Variants in PIAS3 observed in about 807,000 individuals in gnomAD.
PIAS3 encodes protein inhibitor of activated STAT 3.
Under a neutral mutation model 67.6 loss-of-function variants are expected in PIAS3, and 34 were observed. The ratio of observed to expected loss-of-function variants is 0.50; its 90% CI spans 0.38 to 0.67. The LOEUF (loss-of-function observed/expected upper bound fraction) is 0.67, where lower values mean the gene tolerates loss of function less well. Among genes scored for constraint, PIAS3 ranks in the 30% least tolerant of loss-of-function variants. The pLI is 0.00. For synonymous variants in PIAS3, 341 were observed against 313.8 expected (o/e 1.09, Z -0.92); for missense variants, 693 against 791.6 (o/e 0.88, Z 1.49).
At position 145,856,593 on chromosome 1, in the gene PIAS3, G is replaced by A. The variant is rs1413510886; in HGVS notation, c.438C>T (p.Thr146=). 16 of 1,566,840 alleles carry A rather than the reference G, an allele frequency of 1.0e-5. No homozygotes were observed. The highest frequency in any genetic ancestry group is 2.7e-5 in the African/African-American group (2 of 73,456). ...EVYGELIRPT[T]LASTSSQRFE... The stretch of plus-strand genomic sequence containing the variant: ...AGGGACCACAAAGAGCCATACCAAG[G>A]GTGGTGGGCCGGATGAGCTCCCCAT... Residue 146 remains threonine, a synonymous_variant, in exon 2 of 14, where the codon ACC becomes ACT. Transcript: ENST00000393045.
chr1:145,848,602 G>C lies in PIAS3; in HGVS notation c.*844C>G. 1.4e-6 allele frequency: 1 copy of C among 728,564 alleles called. No individual in the cohort carries two copies. Among genetic ancestry groups the C allele is most frequent in the Non-Finnish European group, 2.3e-6 (1 of 439,002 alleles). The allele number at this position is 728,564 out of a possible 1,614,324, so 45.1% of individuals were successfully genotyped here. ...AAGTAAAATTACAACATAGGTCCTA[G>C]GCCTTGGCGAGCCTGAAAAAGAAGA... On this transcript the variant is annotated 3_prime_UTR_variant, in exon 14 of 14. Coordinates refer to ENST00000393045, the MANE Select transcript of PIAS3 (RefSeq NM_006099.3).
At chr1:145,854,936 C>G in intron 5 of PIAS3, 56 bp from the exon 6 acceptor site, 1 of 1,595,748 alleles carries the variant, frequency 6.3e-7, no homozygotes, top group East Asian at 2.2e-5. Context: ...GGGCTCTGCT[C>G]TTTGAACAAA....
Position 145,850,434 on chromosome 1 carries a change from C to T in PIAS3, c.1582+19G>A, listed in dbSNP as rs782214417. 1.2e-6 allele frequency: 2 copies of T among 1,614,036 alleles called. No homozygotes were observed. The highest frequency in any genetic ancestry group is 1.1e-5 in the South Asian group (1 of 91,078). ...GAGGGTGTGGCAGTGCAGGGTCCAT[C>T]TTATGACCCATGTCATACCTTGGAT... is the stretch of plus-strand genomic sequence containing the variant. On this transcript the variant is annotated intron_variant, in intron 12 of 13. Transcript: ENST00000393045.
In PIAS3 at chr1:145,850,160, G is replaced by C; in HGVS notation, c.1620+72C>G. 5.6e-6 allele frequency: 9 copies of C among 1,608,538 alleles called. No homozygotes were observed. The South Asian group carries it at 8.8e-5, about 16-fold the overall frequency. On this transcript the variant is annotated intron_variant, in intron 13 of 13. Coordinates refer to ENST00000393045, the MANE Select transcript of PIAS3 (RefSeq NM_006099.3). Reference sequence around the variant, plus strand: ...TTACATCCCCAGAGATCATAAGAGAGGGAGGGGCCCCATCAGTGTCTAGAA... The same window carrying C: ...TTACATCCCCAGAGATCATAAGAGACGGAGGGGCCCCATCAGTGTCTAGAA...
chr1:145,850,577 T>C lies in PIAS3; in HGVS notation c.1458A>G (p.Thr486=). Residue 486 remains threonine, a synonymous_variant, in exon 12 of 14, where the codon ACA becomes ACG. Coordinates refer to ENST00000393045, the MANE Select transcript of PIAS3 (RefSeq NM_006099.3). The part of the protein sequence containing the change: ...PALPGSKGVL[T]SGHQPSSVLR... ...GCACCGAGGATGGCTGGTGGCCAGA[T>C]GTCAGGACTCTGTGGGTAGAGAGGA... 1 of 1,614,138 alleles carries C rather than the reference T, an allele frequency of 6.2e-7. No individual in the cohort carries two copies. The highest frequency in any genetic ancestry group is 8.5e-7 in the Non-Finnish European group (1 of 1,179,984).
intron 5 of PIAS3, 110 bp from the exon 6 acceptor site, chr1:145,854,990 A>G (rs1653109124): frequency 7.8e-7 from 1 of 1,290,078 alleles, no homozygotes; most frequent in East Asian, 2.3e-5. Flanking sequence ...GGGAAGGCCA[A>G]CTCGCTCACT....
rs200879070 is a variant in PIAS3, at chr1:145,854,931, C to T, written c.670-51G>A. On this transcript the variant is annotated intron_variant, in intron 5 of 13. Transcript: ENST00000393045. ...GGAGAAGTGGCTCTGGGAAGGGGCT[C>T]TGCTCTTTGAACAAAAGATATCTTG... The T allele has an allele frequency of 3.1e-5, 50 of 1,602,170 alleles. No individual in the cohort carries two copies. The Admixed American group carries it at 3.4e-4, about 11-fold the overall frequency.
chr1:145,854,978 G>C, intron 5 of PIAS3, 98 bp from the exon 6 acceptor site: 1 of 1,449,776 alleles, frequency 6.9e-7, no homozygotes, highest in Non-Finnish European at 9.5e-7. Flanking sequence ...TCAATCCCTG[G>C]AGGGAAGGCC....
At position 145,850,956 on chromosome 1, in the gene PIAS3, G is replaced by T; in HGVS notation, c.1280-17C>A. 1 of 1,614,084 alleles carries T rather than the reference G, an allele frequency of 6.2e-7. No individual in the cohort carries two copies. On this transcript the variant is annotated splice_polypyrimidine_tract_variant and intron_variant, in intron 10 of 13. Coordinates refer to ENST00000393045, the MANE Select transcript of PIAS3 (RefSeq NM_006099.3). ...ACTGGAGGCCTGTGGGTATTAAGAA[G>T]ACTACGTCTCAGAGAAGAGGCCATC... is the stretch of plus-strand genomic sequence containing the variant.
At chr1:145,857,053 C>G (rs1553735797) in intron 1 of PIAS3, 47 bp from the exon 2 acceptor site, 4 of 1,554,754 alleles carry the variant, frequency 2.6e-6, no homozygotes, top group Non-Finnish European at 3.5e-6. Context: ...TTGCACAGGC[C>G]TGCCCTGCCA....
chr1:145,855,683 T>C, intron 5 of PIAS3, 53 bp downstream of exon 5: 1 of 952,734 alleles, frequency 1.0e-6, no homozygotes, highest in South Asian at 1.5e-5. Flanking sequence ...TAGTTAATAT[T>C]TATGAACTGA....
chr1:145,856,875 A>G lies in PIAS3; in HGVS notation c.156T>C (p.Ser52=). The change falls in exon 2 of 14, where the codon AGT becomes AGC. Residue 52 remains serine, a synonymous_variant. Transcript: ENST00000393045. ...AAAGCTCTTTGATCTTCATCTGGAC[A>G]CTAGGGGCACAGCTGGACTTCAGGA... ...LHLLKSSCAP[S]VQMKIKELYR... is the part of the protein sequence containing the mutation. The G allele has an allele frequency of 1.2e-6, 2 of 1,614,154 alleles. No individual in the cohort carries two copies. The highest frequency in any genetic ancestry group is 1.3e-5 in the African/African-American group (1 of 75,016).
Position 145,850,235 on chromosome 1 carries a change from ACTCT to A in PIAS3, c.1613_1616del (p.Glu538ValfsTer12). On this transcript the variant is annotated frameshift_variant, in exon 13 of 14. Coordinates refer to ENST00000393045, the MANE Select transcript of PIAS3 (RefSeq NM_006099.3). LOFTEE classifies it high-confidence loss of function. Reference sequence around the variant, plus strand: ...TTCTGAAGAAAGAACCACTTACCTGACTCTCTGTCTGAAGAAATGAAAATAAATC... The same window carrying A: ...TTCTGAAGAAAGAACCACTTACCTGACTGTCTGAAGAAATGAAAATAAATC... The A allele has an allele frequency of 1.2e-6, 2 of 1,614,056 alleles. No homozygotes were observed. The highest frequency in any genetic ancestry group is 8.5e-7 in the Non-Finnish European group (1 of 1,179,998).
Position 145,856,691 on chromosome 1 carries a change from C to T in PIAS3, c.340G>A (p.Asp114Asn). 6.2e-7 allele frequency: 1 copy of T among 1,611,126 alleles called. No homozygotes were observed. Among genetic ancestry groups the T allele is most frequent in the Non-Finnish European group, 8.5e-7 (1 of 1,177,986 alleles). Residue 114 changes from aspartate to asparagine, a missense_variant, in exon 2 of 14, where the codon GAC becomes AAC. Physicochemically the swap from Asp to Asn is conservative, Grantham distance 23. Transcript: ENST00000393045. ...GGCTGGGGCAGAGGGGGGTGCATGT[C>T]CACCTCACGCTTGGGGCCCAGCAGG... ...GTLLGPKREV[D>N]MHPPLPQPVH...
At chr1:145,857,937 C>CA (rs1396119896) in intron 1 of PIAS3, among the ~76,000 whole-genome samples, 2 of 152,308 alleles carry the variant, frequency 1.3e-5, no homozygotes, top group East Asian at 3.9e-4. Context: ...CACAGAATCG[C>CA]AAATCCCCTG....
At position 145,849,364 on chromosome 1, in the gene PIAS3, G is replaced by A. The variant is rs111584502; in HGVS notation, c.*82C>T. The A allele has an allele frequency of 6.4e-5, 87 of 1,366,848 alleles. No individual in the cohort carries two copies. In the African/African-American group the frequency reaches 1.0e-3, roughly 16 times the overall value. The allele number at this position is 1,366,848 out of a possible 1,614,324, so 84.7% of individuals were successfully genotyped here. A position where few individuals can be genotyped will look rare whatever the true frequency, so the allele number is the denominator to read the frequency against. On this transcript the variant is annotated 3_prime_UTR_variant, in exon 14 of 14. Transcript: ENST00000393045. Reference sequence around the variant, plus strand: ...TGGCCCTTGGCCAGAGCCCCCAGAGGGATCAGAGTAGCTGGGGTTGGGACT... The same window carrying A: ...TGGCCCTTGGCCAGAGCCCCCAGAGAGATCAGAGTAGCTGGGGTTGGGACT...
intron 9 of PIAS3, 103 bp downstream of exon 9, chr1:145,853,401 T>G (rs1427751673): frequency 1.3e-5 from 12 of 939,356 alleles, no homozygotes; most frequent in Non-Finnish European, 1.7e-5. Context: ...CAGAGTAAGA[T>G]TCCATCTCAA....
At position 145,850,961 on chromosome 1, in the gene PIAS3, C is replaced by G. The variant is rs373722989; in HGVS notation, c.1280-22G>C. ...AGGCCTGTGGGTATTAAGAAGACTA[C>G]GTCTCAGAGAAGAGGCCATCCAAGA... On this transcript the variant is annotated intron_variant, in intron 10 of 13. Transcript: ENST00000393045. The G allele has an allele frequency of 4.3e-6, 7 of 1,613,936 alleles. No individual in the cohort carries two copies. The African/African-American group carries it at 9.3e-5, about 22-fold the overall frequency.
intron 4 of PIAS3, 25 bp from the exon 5 acceptor site, chr1:145,855,851 A>C: frequency 1.4e-6 from 2 of 1,411,080 alleles, no homozygotes; most frequent in Non-Finnish European, 2.0e-6. Flanking sequence ...GAAAGGAAGA[A>C]AGAGTGGGAA....
Sources: gnomAD v4.1 joint callset for allele counts (sites outside exome capture counted in the v4.1 genomes callset) on GRCh38, gnomAD v4.1.1 for gene constraint, MANE v1.5 for transcripts, NCBI Gene and HGNC (gene_info 2026-07-23, HGNC 2026-07-21) for gene names.